Variants in EXOC6B observed in about 807,000 individuals in gnomAD.
The protein encoded by EXOC6B is exocyst complex component 6B.
In EXOC6B, 54 loss-of-function variants were observed where a neutral mutation model predicts 113.5. The observed-to-expected ratio is 0.48, with a 90% CI of 0.38 to 0.60. EXOC6B has a LOEUF of 0.60. Ranked by LOEUF, EXOC6B falls within the 20% of genes least tolerant of loss-of-function variation. The pLI is 0.00. For synonymous variants in EXOC6B, 357 were observed against 339.0 expected (o/e 1.05, Z -0.58); for missense variants, 797 against 977.5 (o/e 0.82, Z 2.46).
At chr2:72,658,210 G>T (rs1406201718) in intron 6 of EXOC6B, among the ~76,000 whole-genome samples, 1 of 116,524 alleles carries the variant, frequency 8.6e-6, no homozygotes, top group Non-Finnish European at 1.8e-5. Flanking sequence ...GGAGCAGACA[G>T]AAGAAACAGG....
chr2:72,789,978 T>G (rs1306925833), intron 1 of EXOC6B, among the ~76,000 whole-genome samples: 1 of 152,158 alleles, frequency 6.6e-6, no homozygotes, highest in Non-Finnish European at 1.5e-5. Flanking sequence ...TTTTTTTGCC[T>G]CTATTCATAA....
intron 18 of EXOC6B, 153 bp downstream of exon 18, chr2:72,465,007 T>C: frequency 1.5e-6 from 1 of 649,414 alleles, no homozygotes; most frequent in Non-Finnish European, 2.7e-6. Context: ...AAGTAGCCTC[T>C]ACATATCATT....
At chr2:72,481,559 C>T (rs2105491493) in intron 16 of EXOC6B, among the ~76,000 whole-genome samples, 2 of 152,234 alleles carry the variant, frequency 1.3e-5, no homozygotes, top group East Asian at 3.9e-4. Context: ...GGAGAGATTA[C>T]AATATGTTAA....
chr2:72,468,707 T>C (rs886990168), intron 17 of EXOC6B, among the ~76,000 whole-genome samples: 5 of 152,214 alleles, frequency 3.3e-5, no homozygotes, highest in Non-Finnish European at 5.9e-5. Context: ...AGGGATTCCA[T>C]TGAATATGTA....
chr2:72,602,776 G>A (rs867771787), intron 6 of EXOC6B, among the ~76,000 whole-genome samples: 36 of 152,184 alleles, frequency 2.4e-4, no homozygotes, highest in African/African-American at 7.9e-4. Flanking sequence ...AATTCAAAAC[G>A]AGCAGTCTGT....
chr2:72,507,801 T>C (rs1254358497), intron 11 of EXOC6B, among the ~76,000 whole-genome samples: 2 of 151,998 alleles, frequency 1.3e-5, no homozygotes, highest in Non-Finnish European at 1.5e-5. Context: ...ATCTACACTT[T>C]GAAAAGAATC....
chr2:72,500,089 T>C (rs1700241691), intron 11 of EXOC6B, 117 bp from the exon 12 acceptor site: 1 of 693,788 alleles, frequency 1.4e-6, no homozygotes, highest in South Asian at 1.9e-5. Flanking sequence ...TGGTAAATTC[T>C]TTCCCTAGAA....
At chr2:72,204,605 C>T (rs1237174098) in intron 20 of EXOC6B, among the ~76,000 whole-genome samples, 1 of 151,808 alleles carries the variant, frequency 6.6e-6, no homozygotes, top group African/African-American at 2.4e-5. Context: ...CTGCAAAAGG[C>T]TGCTGCCCTC....
At chr2:72,524,160 A>C (rs1331533301) in intron 8 of EXOC6B, among the ~76,000 whole-genome samples, 2 of 151,894 alleles carry the variant, frequency 1.3e-5, no homozygotes, top group East Asian at 1.9e-4. Context: ...TAAAAAAAAA[A>C]AAAAAAAAAA....
intron 20 of EXOC6B, among the ~76,000 whole-genome samples, chr2:72,294,218 A>G (rs1031334010): frequency 2.6e-4 from 40 of 152,160 alleles, no homozygotes; most frequent in African/African-American, 9.7e-4. Flanking sequence ...ACAAAGATAA[A>G]CAGAAAGAAA....
intron 20 of EXOC6B, among the ~76,000 whole-genome samples, chr2:72,302,572 A>G (rs1018937058): frequency 1.3e-5 from 2 of 152,078 alleles, no homozygotes; most frequent in African/African-American, 4.8e-5. Context: ...ACCCTTTACC[A>G]TTGTGTAATG....
chr2:72,673,533 G>A (rs1676062430), intron 6 of EXOC6B, among the ~76,000 whole-genome samples: 1 of 152,066 alleles, frequency 6.6e-6, no homozygotes, highest in Non-Finnish European at 1.5e-5. Flanking sequence ...TAAGCCCAGA[G>A]CTGCTGAAGG....
intron 20 of EXOC6B, among the ~76,000 whole-genome samples, chr2:72,273,688 G>A (rs577036379): frequency 8.5e-4 from 130 of 152,252 alleles, no homozygotes; most frequent in Non-Finnish European, 1.5e-3. Context: ...TATACCAAGA[G>A]AATGGTAGAA....
At chr2:72,358,267 C>T (rs1161733015) in intron 19 of EXOC6B, among the ~76,000 whole-genome samples, 1 of 151,928 alleles carries the variant, frequency 6.6e-6, no homozygotes, top group Non-Finnish European at 1.5e-5. Flanking sequence ...TCCACGTGCT[C>T]CCCCTTCTCA....
At chr2:72,515,519 A>C (rs987583609) in intron 8 of EXOC6B, 49 of 1,025,114 alleles carry the variant, frequency 4.8e-5, no homozygotes, top group Non-Finnish European at 5.6e-5. Flanking sequence ...TCAAGAATAA[A>C]AATGAATCAT....
chr2:72,269,893 T>G (rs2104622149), intron 20 of EXOC6B, among the ~76,000 whole-genome samples: 1 of 152,310 alleles, frequency 6.6e-6, no homozygotes, highest in Non-Finnish European at 1.5e-5. Context: ...GAAGCATTTT[T>G]CAAGAGTTTT....
intron 18 of EXOC6B, among the ~76,000 whole-genome samples, chr2:72,418,704 T>C (rs557792536): frequency 6.6e-6 from 1 of 152,308 alleles, no homozygotes; most frequent in South Asian, 2.1e-4. Context: ...TGTCTTTAGA[T>C]CTAAAGTGAA....
chr2:72,451,359 T>C (rs2901146), intron 18 of EXOC6B, among the ~76,000 whole-genome samples: 1 of 151,962 alleles, frequency 6.6e-6, no homozygotes, highest in East Asian at 1.9e-4. Flanking sequence ...TTTTTCAAAG[T>C]AGTTATCAAG....
intron 18 of EXOC6B, among the ~76,000 whole-genome samples, chr2:72,436,046 T>G (rs182524177): frequency 4.9e-4 from 74 of 152,364 alleles, no homozygotes; most frequent in African/African-American, 1.6e-3. Flanking sequence ...CGCTTTTTCC[T>G]TTCTATATTT....
Sources: gnomAD v4.1 joint callset for allele counts (sites outside exome capture counted in the v4.1 genomes callset) on GRCh38, gnomAD v4.1.1 for gene constraint, MANE v1.5 for transcripts, NCBI Gene and HGNC (gene_info 2026-07-23, HGNC 2026-07-21) for gene names.